ASXL2: variants seen among roughly 807,000 people sequenced by gnomAD.
ASXL2 encodes the protein ASXL transcriptional regulator 2.
Under a neutral mutation model 122.0 loss-of-function variants are expected in ASXL2, and 23 were observed. That is an observed-to-expected ratio of 0.19 (90% CI 0.14 to 0.27). The LOEUF (loss-of-function observed/expected upper bound fraction) is 0.27, where lower values mean the gene tolerates loss of function less well. Among genes scored for constraint, ASXL2 ranks in the 10% least tolerant of loss-of-function variants. The pLI, the probability that ASXL2 is intolerant of heterozygous loss-of-function variation, is 1.00. For synonymous variants in ASXL2, 650 were observed against 637.0 expected, an observed-to-expected ratio of 1.02 and a Z score of -0.31; for missense variants, 1,518 against 1,713.8, an observed-to-expected ratio of 0.89 and a Z score of 2.02.
At chr2:25,766,279 C>T (rs1404330812) in intron 8 of ASXL2, among the ~76,000 whole-genome samples, 1 of 151,828 alleles carries the variant, frequency 6.6e-6, no homozygotes, top group Non-Finnish European at 1.5e-5. Flanking sequence ...TCTTTTCACT[C>T]ATGTTTCTTA....
At chr2:25,786,319 G>T (rs1200119342) in intron 5 of ASXL2, among the ~76,000 whole-genome samples, 1 of 136,078 alleles carries the variant, frequency 7.3e-6, no homozygotes, top group Non-Finnish European at 1.5e-5. Context: ...TGGCTCACTG[G>T]AACCTCCGCC....
At chr2:25,817,635 A>G (rs552164340) in intron 3 of ASXL2, among the ~76,000 whole-genome samples, 2 of 152,322 alleles carry the variant, frequency 1.3e-5, no homozygotes, top group East Asian at 1.9e-4. Context: ...AAAACAAGGA[A>G]ACTTCTGAAA....
intron 9 of ASXL2, 145 bp downstream of exon 9, chr2:25,759,337 T>C (rs2088197398): frequency 2.8e-6 from 2 of 724,292 alleles, no homozygotes; most frequent in Non-Finnish European, 4.2e-6. Flanking sequence ...GGTAGGAGAA[T>C]TTTTTTTTCC....
chr2:25,843,529 T>C (rs2089612241), intron 2 of ASXL2, among the ~76,000 whole-genome samples: 1 of 152,168 alleles, frequency 6.6e-6, no homozygotes, highest in Admixed American at 6.5e-5. Flanking sequence ...TAATATATTT[T>C]ACTTTTTCAT....
At chr2:25,837,796 G>A (rs879315960) in intron 2 of ASXL2, among the ~76,000 whole-genome samples, 38 of 151,734 alleles carry the variant, frequency 2.5e-4, no homozygotes, top group Middle Eastern at 3.4e-3. Context: ...GCTGCAGTGA[G>A]CCGTGATTAA....
chr2:25,864,733 T>C (rs1395617359), intron 1 of ASXL2, among the ~76,000 whole-genome samples: 1 of 152,038 alleles, frequency 6.6e-6, no homozygotes, highest in African/African-American at 2.4e-5. Context: ...ACATTTTATA[T>C]GAACATACAC....
intron 1 of ASXL2, among the ~76,000 whole-genome samples, chr2:25,855,755 G>T (rs1326078524): frequency 6.6e-6 from 1 of 150,646 alleles, no homozygotes; most frequent in African/African-American, 2.4e-5. Flanking sequence ...TGGACTGCTT[G>T]ATCCCGGGAG....
At chr2:25,798,155 C>T (rs1301540545) in intron 5 of ASXL2, among the ~76,000 whole-genome samples, 2 of 152,138 alleles carry the variant, frequency 1.3e-5, no homozygotes, top group African/African-American at 4.8e-5. Context: ...GAACAACACA[C>T]ACTGGGGCCT....
At chr2:25,776,909 G>A (rs1472477192) in intron 5 of ASXL2, among the ~76,000 whole-genome samples, 1 of 152,088 alleles carries the variant, frequency 6.6e-6, no homozygotes, top group Non-Finnish European at 1.5e-5. Flanking sequence ...AGGACAAACT[G>A]CTTAGAATGT....
rs377344235 is a variant in ASXL2, at chr2:25,825,963, T to TG, written c.143+9574_143+9575insC. Among the ~76,000 whole-genome samples, 635 of 152,288 alleles carry TG rather than the reference T, an allele frequency of 4.2e-3. 5 individuals carry two copies. Among genetic ancestry groups the TG allele is most frequent in the African/African-American group, 0.014 (589 of 41,548 alleles). ...GAGCTCCATAGGTGACCTAGACCAT[T>TG]TACCTACAGGTACTTGTACCCCGTC... is the stretch of plus-strand genomic sequence containing the variant. On this transcript the variant is annotated intron_variant, in intron 3 of 12. Coordinates refer to ENST00000435504, the MANE Select transcript of ASXL2 (RefSeq NM_018263.6).
At chr2:25,766,816 T>C (rs145104981) in intron 8 of ASXL2, among the ~76,000 whole-genome samples, 238 of 152,278 alleles carry the variant, frequency 1.6e-3, no homozygotes, top group African/African-American at 5.5e-3. Flanking sequence ...GTTTCTCTGG[T>C]TGAAATTTCA....
intron 11 of ASXL2, 75 bp downstream of exon 11, chr2:25,753,459 G>A (rs2088081308): frequency 4.0e-6 from 4 of 997,708 alleles, no homozygotes; most frequent in Non-Finnish European, 5.7e-6. Context: ...TTTCTGAGAA[G>A]GTAATGAGAT....
chr2:25,847,131 A>G (rs1266119803), intron 1 of ASXL2, among the ~76,000 whole-genome samples: 3 of 152,234 alleles, frequency 2.0e-5, no homozygotes, highest in Non-Finnish European at 2.9e-5. Flanking sequence ...ATACAGCAAG[A>G]TAAGTGGCGC....
intron 3 of ASXL2, among the ~76,000 whole-genome samples, chr2:25,811,839 C>T (rs1274852195): frequency 6.6e-6 from 1 of 152,104 alleles, no homozygotes; most frequent in East Asian, 1.9e-4. Context: ...GTAACCTCTG[C>T]CTCTCGGGTT....
intron 5 of ASXL2, among the ~76,000 whole-genome samples, chr2:25,793,462 A>G (rs1298636831): frequency 3.9e-5 from 6 of 152,186 alleles, no homozygotes; most frequent in Non-Finnish European, 7.3e-5. Context: ...TTAATAGTAG[A>G]TGCATTTGAG....
chr2:25,759,715 T>C, intron 8 of ASXL2, 70 bp from the exon 9 acceptor site: 1 of 1,475,050 alleles, frequency 6.8e-7, no homozygotes, highest in Non-Finnish European at 9.2e-7. Context: ...TGTAGCTTTC[T>C]GTGCAGTATA....
intron 1 of ASXL2, among the ~76,000 whole-genome samples, chr2:25,853,804 C>T (rs1040973102): frequency 6.6e-6 from 1 of 151,828 alleles, no homozygotes; most frequent in Non-Finnish European, 1.5e-5. Flanking sequence ...CCACCATGCC[C>T]AGCCTTATTC....
intron 5 of ASXL2, among the ~76,000 whole-genome samples, chr2:25,784,398 T>C (rs763918056): frequency 5.3e-5 from 8 of 152,210 alleles, no homozygotes; most frequent in Non-Finnish European, 8.8e-5. Context: ...GACTATACAA[T>C]ATTTTAAAAG....
chr2:25,785,762 A>C (rs1265766231), intron 5 of ASXL2, among the ~76,000 whole-genome samples: 1 of 151,672 alleles, frequency 6.6e-6, no homozygotes, highest in Non-Finnish European at 1.5e-5. Context: ...GGCCAGGCTG[A>C]GTCTCAAATT....
Sources: gnomAD v4.1 joint callset for allele counts (sites outside exome capture counted in the v4.1 genomes callset) on GRCh38, gnomAD v4.1.1 for gene constraint, MANE v1.5 for transcripts, NCBI Gene and HGNC (gene_info 2026-07-23, HGNC 2026-07-21) for gene names.